The following DBN1 variants were observed in gnomAD, a reference collection of about 807,000 sequenced individuals.
The protein encoded by DBN1 is drebrin.
A neutral mutation model predicts 83.5 loss-of-function variants in DBN1; 21 were observed. The ratio of observed to expected loss-of-function variants is 0.25; its 90% CI spans 0.18 to 0.36. The LOEUF (loss-of-function observed/expected upper bound fraction) is 0.36, where lower values mean the gene tolerates loss of function less well. Among genes scored for constraint, DBN1 ranks in the 10% least tolerant of loss-of-function variants. The pLI, the probability that DBN1 is intolerant of heterozygous loss-of-function variation, is 1.00. For synonymous variants in DBN1, 381 were observed against 384.9 expected (o/e 0.99, Z 0.12); for missense variants, 874 against 935.7 (o/e 0.93, Z 0.86).
intron 13 of DBN1, 131 bp from the exon 14 acceptor site, chr5:177,457,888 TG>T: frequency 1.1e-6 from 1 of 879,234 alleles, no homozygotes; most frequent in African/African-American, 1.9e-5. Context: ...ATGCCTGCCT[TG>T]GGAACAAAAG....
intron 1 of DBN1, chr5:177,472,372 G>C: frequency 6.8e-7 from 1 of 1,476,164 alleles, no homozygotes; most frequent in Non-Finnish European, 8.9e-7. Flanking sequence ...GGGAGAGGAG[G>C]CCTAGGAACC....
chr5:177,467,010 C>T lies in DBN1; in HGVS notation c.608G>A (p.Arg203Lys), dbSNP rs1180817532. Reference sequence around the variant, plus strand: ...CATCCGCTCCTGCTCGAACCTGAGCCTCTCATCCAGGGCCTTCTTCCGCTC... The same window carrying T: ...CATCCGCTCCTGCTCGAACCTGAGCTTCTCATCCAGGGCCTTCTTCCGCTC... ...EEERKKALDE[R>K]LRFEQERMEQ... Residue 203 changes from arginine (R) to lysine (K), a missense_variant, in exon 7 of 15, where the codon AGG (arginine) becomes AAG (lysine). By Grantham distance (26) the Arg-to-Lys change is conservative (BLOSUM62 2). This residue lies in a region of DBN1 where 725 missense variants were observed against 719.7 expected (regional missense o/e 1.01). Transcript: ENST00000393565. The surrounding 1 kb of genome is among the most constrained non-coding windows in gnomAD (Gnocchi z 9.1). 1 of 1,613,812 alleles carries T rather than the reference C, an allele frequency of 6.2e-7. No individual in the cohort carries two copies. The highest frequency in any genetic ancestry group is 2.2e-5 in the East Asian group (1 of 44,864).
At chr5:177,463,129 C>T (rs548327635) in intron 8 of DBN1, among the ~76,000 whole-genome samples, 6 of 152,216 alleles carry the variant, frequency 3.9e-5, no homozygotes, top group Admixed American at 2.0e-4. Context: ...CTCCGCCTCC[C>T]GGGTTCACGC....
intron 10 of DBN1, 51 bp from the exon 11 acceptor site, chr5:177,459,791 T>G: frequency 7.1e-7 from 1 of 1,414,236 alleles, no homozygotes; most frequent in Non-Finnish European, 9.3e-7. Context: ...AGAGGGTCAG[T>G]CTCCCCCACC....
rs1232469630 is a variant in DBN1, at chr5:177,472,698, C to T, written c.86+738G>A. ...GCTTCCTCCCAGGGATCTCAGCTGGCCCCTTAGGCAGCTCGGTGCCCCCCA... is the reference window on the plus strand; with the variant it reads ...GCTTCCTCCCAGGGATCTCAGCTGGTCCCTTAGGCAGCTCGGTGCCCCCCA... On this transcript the variant is annotated intron_variant, in intron 1 of 14. Transcript: ENST00000393565. 32 of 749,860 alleles carry T rather than the reference C, an allele frequency of 4.3e-5. No individual in the cohort carries two copies. In the East Asian group the frequency reaches 1.4e-3, roughly 33 times the overall value. The allele number at this position is 749,860 out of a possible 1,614,324, so 46.5% of individuals were successfully genotyped here.
intron 2 of DBN1, chr5:177,468,628 G>A (rs1319165995): frequency 4.7e-6 from 2 of 427,012 alleles, no homozygotes; most frequent in African/African-American, 4.0e-5. Context: ...CCTGTTGGAG[G>A]CTCAGCCTCA....
intron 1 of DBN1, among the ~76,000 whole-genome samples, chr5:177,471,050 A>G (rs906098591): frequency 1.3e-5 from 2 of 152,146 alleles, no homozygotes; most frequent in African/African-American, 2.4e-5. Flanking sequence ...TATGTGTGAT[A>G]TTGACACCAA....
At position 177,461,094 on chromosome 5, in the gene DBN1, C is replaced by CTTTTTT. The variant is rs1212164434; in HGVS notation, c.772-397_772-392dup. 9.1e-3 allele frequency among the ~76,000 whole-genome samples: 820 copies of CTTTTTT among 90,586 alleles called. 8 individuals carry two copies. Among genetic ancestry groups the CTTTTTT allele is most frequent in the Non-Finnish European group, 0.014 (639 of 47,290 alleles). 59.4% of individuals were successfully genotyped at this position (90,586 alleles called of 152,430 possible). ...CACCAGTGCCCGGCCTTCTGGCCTT[C>CTTTTTT]TTTTTTTTTTTTTTTTTTTTTTGAG... is the stretch of plus-strand genomic sequence containing the variant. On this transcript the variant is annotated intron_variant, in intron 8 of 14. Transcript: ENST00000393565.
chr5:177,459,809 G>C, intron 10 of DBN1, 69 bp from the exon 11 acceptor site: 1 of 1,391,638 alleles, frequency 7.2e-7, no homozygotes, highest in Non-Finnish European at 9.4e-7. Flanking sequence ...ACCCCTGCCC[G>C]AGGCCTCTCC....
intron 1 of DBN1, among the ~76,000 whole-genome samples, chr5:177,471,758 G>A (rs958800696): frequency 5.3e-5 from 8 of 152,338 alleles, no homozygotes; most frequent in African/African-American, 1.7e-4. Flanking sequence ...CACCAGTGAT[G>A]AATAACTCGC....
rs1756695961 is a variant in DBN1, at chr5:177,458,156, G to A, written c.1816C>T (p.Pro606Ser). ...TCCTCAAGGGCTGAGGGCAGAGTTG[G>A]GGTCTGGGGGGCAGCCAGGGACTCC... ...EGESLAAPQT[P>S]TLPSALEELE... The change falls in exon 13 of 15, where the codon CCA (proline) becomes TCA (serine). Residue 606 changes from proline (P) to serine (S), a missense_variant. Pro to Ser is a moderately conservative substitution (Grantham distance 74, BLOSUM62 -1). This residue lies in a region of DBN1 where 725 missense variants were observed against 719.7 expected (regional missense o/e 1.01). Transcript: ENST00000393565. 5 of 1,612,934 alleles carry A rather than the reference G, an allele frequency of 3.1e-6. No homozygotes were observed. Among genetic ancestry groups the A allele is most frequent in the African/African-American group, 1.3e-5 (1 of 74,930 alleles).
chr5:177,464,692 G>C (rs773375927), intron 8 of DBN1, among the ~76,000 whole-genome samples: 4 of 150,570 alleles, frequency 2.7e-5, no homozygotes, highest in Non-Finnish European at 5.9e-5. Context: ...CTGTAATCCC[G>C]GCACTTTGTG....
At chr5:177,459,538 C>T (rs385981) in intron 11 of DBN1, 65 bp downstream of exon 11, 696,021 of 1,379,206 alleles carry the variant, frequency 0.5, 178,879 homozygotes, top group Non-Finnish European at 0.54. Flanking sequence ...GGAGTGAGGG[C>T]GGGGGGCTGC....
rs758343611 is a variant in DBN1, at chr5:177,460,412, G to A, written c.955+20C>T. 3.1e-6 allele frequency: 5 copies of A among 1,612,820 alleles called. No homozygotes were observed. In the Admixed American group the frequency reaches 5.0e-5, roughly 16 times the overall value. On this transcript the variant is annotated intron_variant, in intron 10 of 14. Transcript: ENST00000393565. ...CAACCTGAGGAGTGGGGCCGGACGG[G>A]GGGTGGGGCCTAGGACTACCTGGTC...
At position 177,472,544 on chromosome 5, in the gene DBN1, G is replaced by GA. The variant is rs1176204990; in HGVS notation, c.86+891_86+892insT. On this transcript the variant is annotated intron_variant, in intron 1 of 14. Coordinates refer to ENST00000393565, the MANE Select transcript of DBN1 (RefSeq NM_001363541.2). ...CCCAGCTCAGCGGGAGACAACAGCTGGGGGGCGGGGTGAGGGGCGGCCCAG... is the reference window on the plus strand; with the variant it reads ...CCCAGCTCAGCGGGAGACAACAGCTGAGGGGGCGGGGTGAGGGGCGGCCCAG... 13 of 650,586 alleles carry GA rather than the reference G, an allele frequency of 2.0e-5. No homozygotes were observed. In the Admixed American group the frequency reaches 2.6e-4, roughly 13 times the overall value. 40.3% of individuals were successfully genotyped at this position (650,586 alleles called of 1,614,324 possible). A position where few individuals can be genotyped will look rare whatever the true frequency, so the allele number is the denominator to read the frequency against.
At chr5:177,472,775 C>A in intron 1 of DBN1, 2 of 986,946 alleles carry the variant, frequency 2.0e-6, no homozygotes, top group Non-Finnish European at 2.4e-6. Flanking sequence ...GGAGAGCTCA[C>A]CCCTGCCTCC....
chr5:177,468,518 GC>G (rs1757627131), intron 2 of DBN1: 1 of 482,080 alleles, frequency 2.1e-6, no homozygotes. Context: ...AGGTGCCAGT[GC>G]CCAGAGGCAC....
chr5:177,472,904 G>A (rs949328726), intron 1 of DBN1: 3 of 930,198 alleles, frequency 3.2e-6, no homozygotes, highest in Non-Finnish European at 3.8e-6. Flanking sequence ...GAGGCCCCCC[G>A]GTGGGCGGGG....
Position 177,458,070 on chromosome 5 carries a change from C to T in DBN1, c.1902G>A (p.Lys634=), listed in dbSNP as rs1756683215. 6.2e-7 allele frequency: 1 copy of T among 1,613,746 alleles called. No homozygotes were observed. Among genetic ancestry groups the T allele is most frequent in the African/African-American group, 1.3e-5 (1 of 74,920 alleles). The stretch of plus-strand genomic sequence containing the variant: ...GTCCCTGCCGCACCTGGGTCCCCTC[C>T]TTCTGGGTGGTCTCGCCATTGGTTA... ...HLLTNGETTQ[K]EGTQASEGYF... is the part of the protein sequence containing the mutation. The change falls in exon 13 of 15, where the codon AAG becomes AAA. Residue 634 remains lysine (K), a synonymous_variant. Coordinates refer to ENST00000393565, the MANE Select transcript of DBN1 (RefSeq NM_001363541.2).
Sources: gnomAD v4.1 joint callset for allele counts (sites outside exome capture counted in the v4.1 genomes callset) on GRCh38, gnomAD v4.1.1 for gene constraint, gnomAD v4.1.1 regional missense constraint, Gnocchi (gnomAD v3.1) non-coding constraint, MANE v1.5 for transcripts, NCBI Gene and HGNC (gene_info 2026-07-23, HGNC 2026-07-21) for gene names.